Variants in CCDC150 observed in about 807,000 individuals in gnomAD.
CCDC150 encodes coiled-coil domain containing 150, also known as coiled-coil domain-containing protein 150.
CCDC150 carries 151 observed loss-of-function variants against 156.5 expected under a neutral mutation model. The observed-to-expected ratio is 0.97, with a 90% CI of 0.85 to 1.10. CCDC150 has a LOEUF of 1.10. CCDC150 is among the 50% of genes least tolerant of loss of function. CCDC150 has a pLI of 0.00. For missense variants in CCDC150, 1,312 were observed against 1,268.1 expected, an observed-to-expected ratio of 1.03 and a Z score of -0.53; for synonymous variants, 452 against 429.4, an observed-to-expected ratio of 1.05 and a Z score of -0.65.
At chr2:196,668,707 A>G (rs780636623) in intron 7 of CCDC150, among the ~76,000 whole-genome samples, 1 of 152,234 alleles carries the variant, frequency 6.6e-6, no homozygotes, top group South Asian at 2.1e-4. Flanking sequence ...TTTATCAACA[A>G]TAAGCATTTA....
In CCDC150 at chr2:196,676,250, C is replaced by G. The variant is rs751121796; in HGVS notation, c.1245C>G (p.Thr415=). 1 of 1,613,470 alleles carries G rather than the reference C, an allele frequency of 6.2e-7. No homozygotes were observed. Among genetic ancestry groups the G allele is most frequent in the South Asian group, 1.1e-5 (1 of 90,974 alleles). The change falls in exon 11 of 28, where the codon ACC becomes ACG. Residue 415 remains threonine (T), a synonymous_variant. Coordinates refer to ENST00000389175, the MANE Select transcript of CCDC150 (RefSeq NM_001080539.2). ...NELQTVQNEK[T]QLQAHLDHLI... Reference sequence around the variant, plus strand: ...TACAGACTGTTCAGAATGAGAAAACCCAACTCCAGGCACATCTGTAAGTAA... The same window carrying G: ...TACAGACTGTTCAGAATGAGAAAACGCAACTCCAGGCACATCTGTAAGTAA...
intron 27 of CCDC150, 41 bp downstream of exon 27, chr2:196,732,193 G>C: frequency 6.2e-7 from 1 of 1,609,412 alleles, no homozygotes; most frequent in Non-Finnish European, 8.5e-7. Context: ...TTTTCTACTT[G>C]TTGCTTCTCA....
At position 196,669,896 on chromosome 2, in the gene CCDC150, A is replaced by C. The variant is rs1429247371; in HGVS notation, c.936+20A>C. 1 of 1,594,548 alleles carries C rather than the reference A, an allele frequency of 6.3e-7. No individual in the cohort carries two copies. ...AATAAGGTGAGTTTTGAAGTTGTGG[A>C]GTACAGAGGTGGTCTTTCCTCTCTT... On this transcript the variant is annotated intron_variant, in intron 8 of 27. Coordinates refer to ENST00000389175, the MANE Select transcript of CCDC150 (RefSeq NM_001080539.2).
chr2:196,676,103 T>C, intron 10 of CCDC150, 40 bp from the exon 11 acceptor site: 16 of 1,608,702 alleles, frequency 9.9e-6, no homozygotes, highest in Non-Finnish European at 1.4e-5. Context: ...TCAAAAGACT[T>C]TGTGGAGCTT....
chr2:196,677,750 G>A (rs1011455033), intron 13 of CCDC150, among the ~76,000 whole-genome samples: 5 of 152,214 alleles, frequency 3.3e-5, no homozygotes, highest in African/African-American at 1.2e-4. Context: ...CAGCACTTTG[G>A]GAGGCCAAGG....
chr2:196,693,463 A>C (rs1238654172), intron 13 of CCDC150, among the ~76,000 whole-genome samples: 1 of 152,342 alleles, frequency 6.6e-6, no homozygotes, highest in East Asian at 1.9e-4. Flanking sequence ...CCAATTGTAC[A>C]TTGTTAATAT....
chr2:196,718,420 T>A, intron 17 of CCDC150, 83 bp from the exon 18 acceptor site: 1 of 1,108,936 alleles, frequency 9.0e-7, no homozygotes, highest in Non-Finnish European at 1.3e-6. Context: ...ATTTAAACAT[T>A]TAAAATTTGG....
chr2:196,714,035 A>G (rs777478461), intron 17 of CCDC150, among the ~76,000 whole-genome samples: 7 of 152,186 alleles, frequency 4.6e-5, no homozygotes, highest in Admixed American at 2.6e-4. Flanking sequence ...AACATTGGAA[A>G]ATATTTTCTT....
Position 196,657,021 on chromosome 2 carries a change from A to C in CCDC150, c.461A>C (p.His154Pro), listed in dbSNP as rs1181907592. Residue 154 changes from histidine (H) to proline (P), a missense_variant, in exon 4 of 28, where the codon CAT (histidine) becomes CCT (proline). Physicochemically the swap from His to Pro is moderately conservative, Grantham distance 77. Transcript: ENST00000389175. ...CATTCTAAGGACCTGAAGCTGTTGC[A>C]TCTCGAAGTTATGAATTTGCGCCAG... is the stretch of plus-strand genomic sequence containing the variant. Reference protein sequence around the residue: ...EEHSKDLKLLHLEVMNLRQQL... With the variant: ...EEHSKDLKLLPLEVMNLRQQL... 1 of 1,613,664 alleles carries C rather than the reference A, an allele frequency of 6.2e-7. No individual in the cohort carries two copies. Among genetic ancestry groups the C allele is most frequent in the Non-Finnish European group, 8.5e-7 (1 of 1,179,784 alleles).
At chr2:196,686,355 C>T (rs1158801306) in intron 13 of CCDC150, 1 of 153,046 alleles carries the variant, frequency 6.5e-6, no homozygotes, top group East Asian at 1.9e-4. Flanking sequence ...TATAATAAAT[C>T]GTGAAATTAG....
At position 196,708,339 on chromosome 2, in the gene CCDC150, T is replaced by A. The variant is rs549447565; in HGVS notation, c.1696-3806T>A. On this transcript the variant is annotated intron_variant, in intron 15 of 27. Transcript: ENST00000389175. The stretch of plus-strand genomic sequence containing the variant: ...GACTAGGATTGCAACCCCTGCTTTT[T>A]CTTGGTTTCCATTTGCTTGGTAGAT... Among the ~76,000 whole-genome samples the A allele has an allele frequency of 2.0e-5, 3 of 152,318 alleles. No individual in the cohort carries two copies. The East Asian group carries it at 5.8e-4, about 29-fold the overall frequency.
chr2:196,647,464 G>T (rs895189271), intron 2 of CCDC150, among the ~76,000 whole-genome samples: 2 of 151,938 alleles, frequency 1.3e-5, no homozygotes, highest in Non-Finnish European at 2.9e-5. Flanking sequence ...AAAGGTTTAT[G>T]AAAAATCCAT....
chr2:196,719,023 T>C (rs1304191986), intron 18 of CCDC150, among the ~76,000 whole-genome samples: 1 of 152,214 alleles, frequency 6.6e-6, no homozygotes, highest in Non-Finnish European at 1.5e-5. Context: ...ATCCCAAACT[T>C]CTCTTTGTCA....
intron 15 of CCDC150, among the ~76,000 whole-genome samples, chr2:196,703,362 A>G (rs973726157): frequency 5.9e-5 from 9 of 152,174 alleles, no homozygotes; most frequent in Admixed American, 5.9e-4. Flanking sequence ...TACAATAAAA[A>G]GAATTACTAG....
chr2:196,653,469 A>G (rs1052338679), intron 2 of CCDC150, among the ~76,000 whole-genome samples: 1 of 152,156 alleles, frequency 6.6e-6, no homozygotes, highest in African/African-American at 2.4e-5. Flanking sequence ...CAGTGCAGCC[A>G]AGTTCTTTGC....
chr2:196,678,334 T>C (rs759541149), intron 13 of CCDC150, among the ~76,000 whole-genome samples: 2 of 152,226 alleles, frequency 1.3e-5, no homozygotes, highest in Non-Finnish European at 2.9e-5. Flanking sequence ...GTAGCATTTG[T>C]ATTACCATAT....
At chr2:196,657,323 G>A in intron 4 of CCDC150, 187 bp downstream of exon 4, 1 of 557,476 alleles carries the variant, frequency 1.8e-6, no homozygotes, top group Non-Finnish European at 3.2e-6. Flanking sequence ...AAACCACTGT[G>A]TGCTATCTGT....
At chr2:196,673,184 G>A (rs1694308207) in intron 9 of CCDC150, among the ~76,000 whole-genome samples, 1 of 151,956 alleles carries the variant, frequency 6.6e-6, no homozygotes, top group South Asian at 2.1e-4. Flanking sequence ...TACATTCCAG[G>A]CACAATTCCA....
In CCDC150 at chr2:196,726,112, G is replaced by A. The variant is rs368400368; in HGVS notation, c.2556+13G>A. 8.7e-5 allele frequency: 141 copies of A among 1,611,718 alleles called. No individual in the cohort carries two copies. Among genetic ancestry groups the A allele is most frequent in the Middle Eastern group, 1.6e-4 (1 of 6,070 alleles). ...GGAAGTGGCTGAGGTATAGTCATGAGAAAAGTTTCTCTTTTGGTGAATGCC... is the reference window on the plus strand; with the variant it reads ...GGAAGTGGCTGAGGTATAGTCATGAAAAAAGTTTCTCTTTTGGTGAATGCC... On this transcript the variant is annotated intron_variant, in intron 22 of 27. Coordinates refer to ENST00000389175, the MANE Select transcript of CCDC150 (RefSeq NM_001080539.2).
Sources: allele counts gnomAD v4.1 joint callset (sites outside exome capture counted in the v4.1 genomes callset), GRCh38; gene constraint gnomAD v4.1.1; transcripts MANE v1.5; gene names NCBI Gene and HGNC (gene_info 2026-07-23, HGNC 2026-07-21).